SLC24A3: variants seen among roughly 807,000 people sequenced by gnomAD.
SLC24A3 encodes sodium/potassium/calcium exchanger 3.
A neutral mutation model predicts 75.8 loss-of-function variants in SLC24A3; 28 were observed. The ratio of observed to expected loss-of-function variants is 0.37; its 90% CI spans 0.27 to 0.51. The LOEUF is 0.51. SLC24A3 is among the 20% of genes least tolerant of loss of function. The probability of loss-of-function intolerance (pLI) is 0.94; values close to 1 mark genes in which losing one functional copy is unlikely to be tolerated. For missense variants in SLC24A3, 663 were observed against 847.8 expected (o/e 0.78, Z 2.71); for synonymous variants, 372 against 334.1 (o/e 1.11, Z -1.24).
At chr20:19,315,474 T>A (rs1363948975) in intron 2 of SLC24A3, among the ~76,000 whole-genome samples, 1 of 152,098 alleles carries the variant, frequency 6.6e-6, no homozygotes, top group African/African-American at 2.4e-5. Flanking sequence ...TGTGCTGAAA[T>A]CCTGGGGTCA....
chr20:19,572,381 C>G (rs968506386), intron 3 of SLC24A3, among the ~76,000 whole-genome samples: 2 of 152,110 alleles, frequency 1.3e-5, no homozygotes, highest in African/African-American at 4.8e-5. Context: ...AGGTCCATAA[C>G]CAAGCCAGCA....
intron 6 of SLC24A3, among the ~76,000 whole-genome samples, chr20:19,636,969 A>G (rs956546270): frequency 1.3e-5 from 2 of 152,224 alleles, no homozygotes; most frequent in Non-Finnish European, 2.9e-5. Flanking sequence ...TTAAAAAAGA[A>G]GAAGAAGAAG....
Position 19,585,515 on chromosome 20 carries a change from A to G in SLC24A3, c.583A>G (p.Ile195Val). Reference protein sequence around the residue: ...GSAVFNILCIIGVCGLFAGQV... With the variant: ...GSAVFNILCIVGVCGLFAGQV... ...AGCGGTATTCAACATCCTGTGCATC[A>G]TTGGTGTCTGTGGGCTCTTTGCTGG... Residue 195 changes from isoleucine to valine, a missense_variant, in exon 6 of 17, where the codon ATT becomes GTT. Physicochemically the swap from Ile to Val is conservative, Grantham distance 29 (BLOSUM62 3). This residue lies in a region of SLC24A3 where 510 missense variants were observed against 703.6 expected (regional missense o/e 0.72). Transcript: ENST00000328041. The G allele has an allele frequency of 1.2e-6, 2 of 1,614,090 alleles. No homozygotes were observed. The highest frequency in any genetic ancestry group is 1.7e-6 in the Non-Finnish European group (2 of 1,179,996).
intron 1 of SLC24A3, among the ~76,000 whole-genome samples, chr20:19,274,766 C>T (rs1983434367): frequency 6.6e-6 from 1 of 152,210 alleles, no homozygotes; most frequent in Admixed American, 6.5e-5. Flanking sequence ...AGCAGTGCTG[C>T]TCACTCAAGT....
intron 2 of SLC24A3, among the ~76,000 whole-genome samples, chr20:19,377,180 C>T (rs1375219973): frequency 2.0e-5 from 3 of 152,174 alleles, no homozygotes; most frequent in African/African-American, 4.8e-5. Context: ...GGGGGATTAA[C>T]TTTGATCCAC....
At chr20:19,223,013 C>T (rs1981771980) in intron 1 of SLC24A3, among the ~76,000 whole-genome samples, 1 of 152,042 alleles carries the variant, frequency 6.6e-6, no homozygotes, top group African/African-American at 2.4e-5. Context: ...ATACAGAGGG[C>T]CAGGCACAGT....
At chr20:19,225,441 A>G (rs1303919051) in intron 1 of SLC24A3, among the ~76,000 whole-genome samples, 1 of 152,228 alleles carries the variant, frequency 6.6e-6, no homozygotes, top group African/African-American at 2.4e-5. Flanking sequence ...GTATTTTCCA[A>G]GCATTGTGGA....
intron 2 of SLC24A3, among the ~76,000 whole-genome samples, chr20:19,392,186 G>A (rs1021792574): frequency 6.7e-6 from 1 of 148,760 alleles, no homozygotes; most frequent in East Asian, 2.2e-4. Context: ...AGTTTCCTGA[G>A]CCTGAGTTGT....
intron 2 of SLC24A3, among the ~76,000 whole-genome samples, chr20:19,400,076 A>G (rs1360117735): frequency 6.6e-6 from 1 of 152,152 alleles, no homozygotes; most frequent in African/African-American, 2.4e-5. Context: ...AACTTTTCTA[A>G]TGTCGTGGCT....
chr20:19,579,966 C>A, intron 3 of SLC24A3, 34 bp from the exon 4 acceptor site: 1 of 1,554,384 alleles, frequency 6.4e-7, no homozygotes, highest in Non-Finnish European at 8.9e-7. Context: ...CTGCCTCACT[C>A]TAACTTTAAC....
chr20:19,649,964 A>C (rs1303507654), intron 6 of SLC24A3, among the ~76,000 whole-genome samples: 1 of 152,222 alleles, frequency 6.6e-6, no homozygotes, highest in Admixed American at 6.5e-5. Flanking sequence ...CTTTGCAGGA[A>C]GGGTCAGATA....
chr20:19,313,889 C>T (rs1333206773), intron 2 of SLC24A3, among the ~76,000 whole-genome samples: 1 of 152,162 alleles, frequency 6.6e-6, no homozygotes, highest in African/African-American at 2.4e-5. Context: ...TTTTGCTGCT[C>T]CACTTCAACC....
chr20:19,467,282 G>A (rs1987782450), intron 2 of SLC24A3, among the ~76,000 whole-genome samples: 1 of 152,208 alleles, frequency 6.6e-6, no homozygotes, highest in South Asian at 2.1e-4. Context: ...ATGTGCTGGT[G>A]ATTGGGACAG....
At chr20:19,647,075 G>GGAA (rs1219644687) in intron 6 of SLC24A3, among the ~76,000 whole-genome samples, 1 of 152,074 alleles carries the variant, frequency 6.6e-6, no homozygotes, top group Non-Finnish European at 1.5e-5. Context: ...GGAGGTGCCA[G>GGAA]AGAATTTACA....
chr20:19,402,729 A>G (rs777022973), intron 2 of SLC24A3, among the ~76,000 whole-genome samples: 2 of 152,220 alleles, frequency 1.3e-5, no homozygotes, highest in Non-Finnish European at 2.9e-5. Context: ...ATTTGGTTGC[A>G]GCAAGTTCTA....
chr20:19,247,637 G>A (rs1182454991), intron 1 of SLC24A3, among the ~76,000 whole-genome samples: 1 of 152,162 alleles, frequency 6.6e-6, no homozygotes, highest in Non-Finnish European at 1.5e-5. Context: ...TGTGCCTTAG[G>A]TATAAATGCT....
At chr20:19,336,338 T>G (rs1182345060) in intron 2 of SLC24A3, among the ~76,000 whole-genome samples, 9 of 152,206 alleles carry the variant, frequency 5.9e-5, no homozygotes. Context: ...GCCTAAAAGA[T>G]TTACTACCTT....
intron 2 of SLC24A3, among the ~76,000 whole-genome samples, chr20:19,320,803 A>G (rs1984689583): frequency 6.6e-6 from 1 of 152,082 alleles, no homozygotes; most frequent in Non-Finnish European, 1.5e-5. Flanking sequence ...TGTATTGTTT[A>G]GGGAATAATT....
chr20:19,408,783 G>A (rs1433299540), intron 2 of SLC24A3, among the ~76,000 whole-genome samples: 1 of 152,100 alleles, frequency 6.6e-6, no homozygotes, highest in Non-Finnish European at 1.5e-5. Context: ...GCAAAATACT[G>A]GTCAAAGGGT....
Sources: allele counts gnomAD v4.1 joint callset (sites outside exome capture counted in the v4.1 genomes callset), GRCh38; gene constraint gnomAD v4.1.1; regional missense constraint gnomAD v4.1.1; transcripts MANE v1.5; gene names NCBI Gene and HGNC (gene_info 2026-07-23, HGNC 2026-07-21).